The following SLC13A1 variants were observed in gnomAD, a reference collection of about 807,000 sequenced individuals.
The protein encoded by SLC13A1 is Na(+)/sulfate cotransporter.
A neutral mutation model predicts 70.0 loss-of-function variants in SLC13A1; 65 were observed. The ratio of observed to expected loss-of-function variants is 0.93; its 90% CI spans 0.76 to 1.14. The LOEUF is 1.14. Among genes scored for constraint, SLC13A1 ranks in the 50% most tolerant of loss-of-function variants. SLC13A1 has a pLI of 0.00. For missense variants in SLC13A1, 726 were observed against 717.8 expected (o/e 1.01, Z -0.13); for synonymous variants, 275 against 250.5 (o/e 1.10, Z -0.92).
intron 3 of SLC13A1, among the ~76,000 whole-genome samples, chr7:123,171,114 G>T (rs972282887): frequency 1.3e-5 from 2 of 152,118 alleles, no homozygotes; most frequent in Non-Finnish European, 2.9e-5. Flanking sequence ...AACGCAAAAT[G>T]CCACTATGCA....
At chr7:123,138,515 T>C (rs1329445329) in intron 7 of SLC13A1, among the ~76,000 whole-genome samples, 2 of 152,166 alleles carry the variant, frequency 1.3e-5, no homozygotes, top group African/African-American at 2.4e-5. Flanking sequence ...GTGGTTGTAC[T>C]AATAATTTAC....
chr7:123,122,631 C>G (rs1005133737), intron 12 of SLC13A1, among the ~76,000 whole-genome samples: 1 of 151,934 alleles, frequency 6.6e-6, no homozygotes, highest in Non-Finnish European at 1.5e-5. Flanking sequence ...GAATTTTTCT[C>G]CAGACTTTAT....
rs1795174931 is a variant in SLC13A1, at chr7:123,169,173, T to C, written c.528A>G (p.Ser176=). The change falls in exon 4 of 15, where the codon TCA becomes TCG. Residue 176 remains serine (S), a synonymous_variant. Transcript: ENST00000194130. The part of the protein sequence containing the change: ...EATQMTYFNG[S]TNHGLEIDES... ...CATCAATTTCTAGTCCGTGGTTGGTTGATCCGTTGAAGTAAGTCATCTGAG... is the reference window on the plus strand; with the variant it reads ...CATCAATTTCTAGTCCGTGGTTGGTCGATCCGTTGAAGTAAGTCATCTGAG... 1 of 1,614,092 alleles carries C rather than the reference T, an allele frequency of 6.2e-7. No individual in the cohort carries two copies. The highest frequency in any genetic ancestry group is 1.1e-5 in the South Asian group (1 of 91,086).
At chr7:123,165,651 A>T (rs1795045025) in intron 6 of SLC13A1, among the ~76,000 whole-genome samples, 1 of 152,180 alleles carries the variant, frequency 6.6e-6, no homozygotes, top group Admixed American at 6.6e-5. Flanking sequence ...TTTTCCATAA[A>T]ATCAACTCTA....
chr7:123,124,591 T>TTGTCCCACATTGACAAGATAGGAATC (rs1271112212), intron 11 of SLC13A1, among the ~76,000 whole-genome samples: 12 of 152,142 alleles, frequency 7.9e-5, no homozygotes, highest in Non-Finnish European at 4.4e-5. Context: ...TACAAATTAG[T>TTGTCCCACATTGACAAGATAGGAATC]TGTCCCACAT....
intron 7 of SLC13A1, among the ~76,000 whole-genome samples, chr7:123,142,933 G>T (rs960239204): frequency 2.6e-5 from 4 of 151,950 alleles, no homozygotes; most frequent in Admixed American, 1.3e-4. Flanking sequence ...GAGCTCTTTA[G>T]TTAGCAGGTG....
chr7:123,166,292 A>G (rs1795072991), intron 6 of SLC13A1, among the ~76,000 whole-genome samples: 2 of 152,086 alleles, frequency 1.3e-5, no homozygotes, highest in African/African-American at 4.8e-5. Flanking sequence ...TTATGATAGA[A>G]AACTAGGTTT....
intron 6 of SLC13A1, chr7:123,149,743 T>C (rs1052556276): frequency 2.0e-5 from 8 of 404,262 alleles, no homozygotes; most frequent in Admixed American, 1.4e-4. Flanking sequence ...CACAGTTTCT[T>C]CTTCCAACTT....
intron 1 of SLC13A1, among the ~76,000 whole-genome samples, chr7:123,181,836 G>T (rs1318454821): frequency 2.0e-5 from 3 of 152,080 alleles, no homozygotes; most frequent in African/African-American, 7.3e-5. Context: ...GCTATCAAAT[G>T]GTGCTATTTT....
chr7:123,125,453 C>T, intron 11 of SLC13A1, 116 bp downstream of exon 11: 2 of 707,678 alleles, frequency 2.8e-6, no homozygotes, highest in Non-Finnish European at 4.9e-6. Context: ...CATGCTAGGC[C>T]AGGGATTGTG....
At chr7:123,176,120 C>G (rs1795438610) in intron 2 of SLC13A1, among the ~76,000 whole-genome samples, 1 of 152,156 alleles carries the variant, frequency 6.6e-6, no homozygotes, top group African/African-American at 2.4e-5. Flanking sequence ...CCACAGTTTG[C>G]CAGTTTTCTC....
intron 7 of SLC13A1, among the ~76,000 whole-genome samples, chr7:123,136,098 G>T (rs1339288612): frequency 1.3e-5 from 2 of 152,120 alleles, no homozygotes; most frequent in East Asian, 3.9e-4. Context: ...CAGAAATGCT[G>T]CTTGGATTAG....
At chr7:123,163,131 A>T (rs2116509060) in intron 6 of SLC13A1, among the ~76,000 whole-genome samples, 1 of 152,130 alleles carries the variant, frequency 6.6e-6, no homozygotes, top group East Asian at 1.9e-4. Flanking sequence ...GGATTTTCGG[A>T]TACCTAGAAC....
chr7:123,132,890 A>G (rs1401963477), intron 8 of SLC13A1, among the ~76,000 whole-genome samples: 3 of 152,158 alleles, frequency 2.0e-5, no homozygotes, highest in Non-Finnish European at 4.4e-5. Context: ...GCCCTTCATA[A>G]TTTTAAATGC....
rs1276585863 is a variant in SLC13A1 at position 123,125,656 on chromosome 7, CTG to C, written c.1151_1152del (p.Thr384ArgfsTer18). ...ALFSEYPGFA[T>X]DSTVALLIGL... ...CCTATAAGTAAAGCAACAGTTGAAT[CTG>C]TAGCAAAACCAGGGTACCTGTAAAA... On this transcript the variant is annotated frameshift_variant, in exon 11 of 15. Coordinates refer to ENST00000194130, the MANE Select transcript of SLC13A1 (RefSeq NM_022444.4). LOFTEE classifies it high-confidence loss of function. 2 of 1,612,438 alleles carry C rather than the reference CTG, an allele frequency of 1.2e-6. No homozygotes were observed. Among genetic ancestry groups the C allele is most frequent in the African/African-American group, 1.3e-5 (1 of 74,798 alleles).
At chr7:123,196,155 A>G (rs959002160) in intron 1 of SLC13A1, among the ~76,000 whole-genome samples, 3 of 152,096 alleles carry the variant, frequency 2.0e-5, no homozygotes, top group African/African-American at 7.2e-5. Context: ...AACTGGAAAT[A>G]TTTAAAGAAA....
At chr7:123,136,272 A>G (rs1314799259) in intron 7 of SLC13A1, among the ~76,000 whole-genome samples, 1 of 152,216 alleles carries the variant, frequency 6.6e-6, no homozygotes. Flanking sequence ...ATAGTTTTAG[A>G]AAAATGAAAG....
chr7:123,125,823 T>C lies in SLC13A1; in HGVS notation c.1134-148A>G. On this transcript the variant is annotated intron_variant, in intron 10 of 14. Coordinates refer to ENST00000194130, the MANE Select transcript of SLC13A1 (RefSeq NM_022444.4). ...TTATCCTCAATAATCTGCCCTAAAA[T>C]ATATGGATTCCCGATTAAATGACAC... The C allele has an allele frequency of 6.5e-6, 4 of 616,422 alleles. No homozygotes were observed. The Admixed American group carries it at 1.2e-4, about 19-fold the overall frequency. The allele number at this position is 616,422 out of a possible 1,614,324, so 38.2% of individuals were successfully genotyped here. A position where few individuals can be genotyped will look rare whatever the true frequency, so the allele number is the denominator to read the frequency against.
chr7:123,191,660 A>G (rs1288879146), intron 1 of SLC13A1, among the ~76,000 whole-genome samples: 2 of 152,184 alleles, frequency 1.3e-5, no homozygotes, highest in African/African-American at 4.8e-5. Flanking sequence ...AGTAATACTC[A>G]TGAATGCTTA....
Sources: allele counts gnomAD v4.1 joint callset (sites outside exome capture counted in the v4.1 genomes callset), GRCh38; gene constraint gnomAD v4.1.1; transcripts MANE v1.5; gene names NCBI Gene and HGNC (gene_info 2026-07-23, HGNC 2026-07-21).